The following LARS1 variants were observed in gnomAD, a reference collection of about 807,000 sequenced individuals.
The protein encoded by LARS1 is leucyl-tRNA synthetase 1.
LARS1 carries 100 observed loss-of-function variants against 162.8 expected under a neutral mutation model. The observed-to-expected ratio is 0.61, with a 90% confidence interval of 0.52 to 0.73. The LOEUF (loss-of-function observed/expected upper bound fraction) is 0.73, where lower values mean the gene tolerates loss of function less well. LARS1 is among the 30% of genes least tolerant of loss of function. LARS1 has a pLI of 0.00. For synonymous variants in LARS1, 457 were observed against 462.8 expected (o/e 0.99, Z 0.16); for missense variants, 1,258 against 1,408.9 (o/e 0.89, Z 1.71).
chr5:146,176,770 G>A (rs749205035), intron 2 of LARS1, among the ~76,000 whole-genome samples: 1 of 151,908 alleles, frequency 6.6e-6, no homozygotes, highest in Non-Finnish European at 1.5e-5. Flanking sequence ...TTAGTATCAA[G>A]GCAATGCAGT....
intron 1 of LARS1, among the ~76,000 whole-genome samples, chr5:146,181,885 A>AAGTAGGAATC (rs1754883162): frequency 2.3e-5 from 1 of 44,338 alleles, no homozygotes. Context: ...TTTTTGCTGT[A>AAGTAGGAATC]AGTAGGAATC....
In LARS1 at chr5:146,113,535, T is replaced by C. The variant is rs1764068056; in HGVS notation, c.*571A>G. ...AAGCCATTATTGGTTCTTAGTTGAATAATTAAAGCTTTAAAAAGTCTTATA... is the reference window on the plus strand; with the variant it reads ...AAGCCATTATTGGTTCTTAGTTGAACAATTAAAGCTTTAAAAAGTCTTATA... On this transcript the variant is annotated 3_prime_UTR_variant, in exon 32 of 32. Transcript: ENST00000394434. 1 of 152,416 alleles carries C rather than the reference T, an allele frequency of 6.6e-6. No individual in the cohort carries two copies. Among genetic ancestry groups the C allele is most frequent in the South Asian group, 2.1e-4 (1 of 4,834 alleles). 9.4% of individuals were successfully genotyped at this position (152,416 alleles called of 1,614,324 possible).
At position 146,113,777 on chromosome 5, in the gene LARS1, T is replaced by A. The variant is rs1764077496; in HGVS notation, c.*329A>T. On this transcript the variant is annotated 3_prime_UTR_variant, in exon 32 of 32. Coordinates refer to ENST00000394434, the MANE Select transcript of LARS1 (RefSeq NM_020117.11). ...AGGTACACCTTAGCCTTCATCAAAG[T>A]ATAAAGTACACCTCATAAAAGAAGC... 4.1e-6 allele frequency: 1 copy of A among 246,158 alleles called. No individual in the cohort carries two copies. The highest frequency in any genetic ancestry group is 2.2e-5 in the African/African-American group (1 of 45,098). The allele number at this position is 246,158 out of a possible 1,614,324, so 15.2% of individuals were successfully genotyped here.
Position 146,177,567 on chromosome 5 carries a change from A to T in LARS1, c.105T>A (p.Ser35=). 1 of 1,567,534 alleles carries T rather than the reference A, an allele frequency of 6.4e-7. No individual in the cohort carries two copies. The highest frequency in any genetic ancestry group is 8.7e-7 in the Non-Finnish European group (1 of 1,143,098). Residue 35 remains serine, a synonymous_variant, in exon 2 of 32, where the codon TCT becomes TCA. Transcript: ENST00000394434. Reference sequence around the variant, plus strand: ...CTCACCTGGTCTGTTTCTCTAAATTAGATGCATTGACCTCAAACACTCTCT... The same window carrying T: ...CTCACCTGGTCTGTTTCTCTAAATTTGATGCATTGACCTCAAACACTCTCT... ...DTERVFEVNA[S]NLEKQTSKGK...
chr5:146,118,857 T>C (rs1404951684), intron 31 of LARS1, among the ~76,000 whole-genome samples: 1 of 152,194 alleles, frequency 6.6e-6, no homozygotes, highest in Non-Finnish European at 1.5e-5. Context: ...ACTAAAATAG[T>C]AAATGTTATG....
chr5:146,167,505 G>A (rs1754063576), intron 5 of LARS1, among the ~76,000 whole-genome samples: 1 of 151,594 alleles, frequency 6.6e-6, no homozygotes, highest in South Asian at 2.1e-4. Flanking sequence ...CAGGGTTCAC[G>A]CCATTCTGAT....
rs747335955 is a variant in LARS1 at position 146,164,480 on chromosome 5, A to G, written c.433-9T>C. 1.9e-6 allele frequency: 3 copies of G among 1,612,134 alleles called. No homozygotes were observed. The highest frequency in any genetic ancestry group is 2.5e-6 in the Non-Finnish European group (3 of 1,179,306). On this transcript the variant is annotated splice_polypyrimidine_tract_variant and intron_variant, in intron 5 of 31. Transcript: ENST00000394434. ...TTAGCAGCAGCTTTACTCTGAAAATAATGGAGAAAAATAAACTCGATCAAA... is the reference window on the plus strand; with the variant it reads ...TTAGCAGCAGCTTTACTCTGAAAATGATGGAGAAAAATAAACTCGATCAAA...
At chr5:146,181,702 T>TC (rs1374815242) in intron 1 of LARS1, among the ~76,000 whole-genome samples, 1 of 151,816 alleles carries the variant, frequency 6.6e-6, no homozygotes, top group Non-Finnish European at 1.5e-5. Context: ...CACCGTACAC[T>TC]CCCTAGCACC....
At chr5:146,165,953 CA>C (rs1221619639) in intron 5 of LARS1, among the ~76,000 whole-genome samples, 2 of 150,454 alleles carry the variant, frequency 1.3e-5, no homozygotes, top group African/African-American at 2.4e-5. Context: ...AAAATGGAGC[CA>C]GGGGTATCAA....
At chr5:146,131,240 A>G in intron 23 of LARS1, 131 bp from the exon 24 acceptor site, 1 of 532,430 alleles carries the variant, frequency 1.9e-6, no homozygotes, top group East Asian at 3.1e-5. Flanking sequence ...TCATTTAAGC[A>G]GTAAAATGAG....
Position 146,164,496 on chromosome 5 carries a change from C to T in LARS1, c.433-25G>A, listed in dbSNP as rs769902890. On this transcript the variant is annotated intron_variant, in intron 5 of 31. Transcript: ENST00000394434. Reference sequence around the variant, plus strand: ...TCTGAAAATAATGGAGAAAAATAAACTCGATCAAAGAATAACCAACACTCC... The same window carrying T: ...TCTGAAAATAATGGAGAAAAATAAATTCGATCAAAGAATAACCAACACTCC... 8.7e-6 allele frequency: 14 copies of T among 1,609,218 alleles called. No individual in the cohort carries two copies. The South Asian group carries it at 1.0e-4, about 11-fold the overall frequency.
At chr5:146,172,812 A>G (rs1232262519) in intron 2 of LARS1, 38 bp from the exon 3 acceptor site, 3 of 1,152,512 alleles carry the variant, frequency 2.6e-6, no homozygotes, top group Non-Finnish European at 3.6e-6. Flanking sequence ...GTACAGAAGA[A>G]TAAATGTTAA....
In LARS1 at chr5:146,122,523, G is replaced by A. The variant is rs1004267446; in HGVS notation, c.3161C>T (p.Pro1054Leu). 1 of 1,607,120 alleles carries A rather than the reference G, an allele frequency of 6.2e-7. No individual in the cohort carries two copies. Among genetic ancestry groups the A allele is most frequent in the Non-Finnish European group, 8.5e-7 (1 of 1,175,076 alleles). The change falls in exon 30 of 32, where the codon CCT (proline) becomes CTT (leucine). Residue 1054 changes from proline (P) to leucine (L), a missense_variant. Coordinates refer to ENST00000394434, the MANE Select transcript of LARS1 (RefSeq NM_020117.11). ...AEDKIREDCC[P>L]GKPLNVFRIE... ...TCTAAAAACATTAAGTGGTTTCCCA[G>A]GACAGCAGTCTTCCCTGATTTTATC...
chr5:146,136,628 C>T (rs1183645656), intron 21 of LARS1, among the ~76,000 whole-genome samples: 4 of 151,960 alleles, frequency 2.6e-5, no homozygotes, highest in Non-Finnish European at 5.9e-5. Context: ...ATTACAGGCG[C>T]GCACCATCAT....
Position 146,157,750 on chromosome 5 carries a change from C to G in LARS1, c.817G>C (p.Glu273Gln). The change falls in exon 9 of 32, where the codon GAG (glutamate) becomes CAG (glutamine). Residue 273 changes from glutamate to glutamine, a missense_variant. By Grantham distance (29) the Glu-to-Gln change is conservative. Coordinates refer to ENST00000394434, the MANE Select transcript of LARS1 (RefSeq NM_020117.11). The stretch of plus-strand genomic sequence containing the variant: ...TACCTTAATTTAGATGGGTATGGCT[C>G]AAGCACCTTCAATTTGAGTAAAGTA... ...EYTLLKLKVLEPYPSKLSGLK... is the reference protein window; with the variant it reads ...EYTLLKLKVLQPYPSKLSGLK... The G allele has an allele frequency of 6.2e-7, 1 of 1,614,070 alleles. No homozygotes were observed. Among genetic ancestry groups the G allele is most frequent in the Non-Finnish European group, 8.5e-7 (1 of 1,179,998 alleles).
At chr5:146,172,108 T>TA (rs1266477035) in intron 3 of LARS1, 118 bp from the exon 4 acceptor site, 1 of 873,082 alleles carries the variant, frequency 1.1e-6, no homozygotes, top group Non-Finnish European at 1.8e-6. Context: ...GAATGCCAGT[T>TA]AGATTTTAGG....
At chr5:146,155,536 C>T (rs1753487789) in intron 10 of LARS1, among the ~76,000 whole-genome samples, 2 of 152,288 alleles carry the variant, frequency 1.3e-5, no homozygotes, top group South Asian at 4.1e-4. Flanking sequence ...ATTTTAGACC[C>T]AAATTCTCAG....
chr5:146,149,854 G>T (rs1388109956), intron 14 of LARS1, among the ~76,000 whole-genome samples, 155 bp from the exon 15 acceptor site: 2 of 151,898 alleles, frequency 1.3e-5, no homozygotes, highest in South Asian at 2.1e-4. Flanking sequence ...TTTCATTTTG[G>T]TATAGCATGG....
At chr5:146,124,802 T>C (rs1751975980) in intron 28 of LARS1, among the ~76,000 whole-genome samples, 3 of 152,050 alleles carry the variant, frequency 2.0e-5, no homozygotes, top group South Asian at 2.1e-4. Flanking sequence ...TCTATTTCTT[T>C]TTCTCATGGA....
Sources: allele counts gnomAD v4.1 joint callset (sites outside exome capture counted in the v4.1 genomes callset), GRCh38; gene constraint gnomAD v4.1.1; transcripts MANE v1.5; gene names NCBI Gene and HGNC (gene_info 2026-07-23, HGNC 2026-07-21).